The following ACOXL variants were observed in gnomAD, a reference collection of about 807,000 sequenced individuals.
ACOXL encodes acyl-CoA oxidase like.
A neutral mutation model predicts 71.9 loss-of-function variants in ACOXL; 70 were observed. The ratio of observed to expected loss-of-function variants is 0.97; its 90% CI spans 0.80 to 1.19. ACOXL has a LOEUF of 1.19. Ranked by LOEUF, ACOXL falls within the 50% of genes most tolerant of loss-of-function variation. The pLI is 0.00. For missense variants in ACOXL, 703 were observed against 736.3 expected (o/e 0.95, Z 0.52); for synonymous variants, 253 against 281.6 (o/e 0.90, Z 1.02).
chr2:111,019,761 T>C (rs2064655843), intron 14 of ACOXL, among the ~76,000 whole-genome samples: 1 of 152,262 alleles, frequency 6.6e-6, no homozygotes. Flanking sequence ...GCAGAGATCC[T>C]GGCAGGCCCC....
intron 10 of ACOXL, among the ~76,000 whole-genome samples, chr2:110,855,415 TTCTTTCTAGTGTATTAGGAA>T (rs542275040): frequency 3.2e-4 from 49 of 152,338 alleles, no homozygotes; most frequent in African/African-American, 1.2e-3. Flanking sequence ...AAAGACTGTG[TTCTTTCTAGTGTATTAGGAA>T]TCTCTGCTGA....
chr2:110,763,919 G>T (rs1316236619), intron 1 of ACOXL, among the ~76,000 whole-genome samples: 1 of 152,086 alleles, frequency 6.6e-6, no homozygotes, highest in Non-Finnish European at 1.5e-5. Flanking sequence ...AAGATATATA[G>T]CAGGCAAATG....
At chr2:110,880,279 C>A (rs7355443) in intron 10 of ACOXL, among the ~76,000 whole-genome samples, 45,286 of 151,850 alleles carry the variant, frequency 0.3, 7,147 homozygotes, top group Non-Finnish European at 0.35. Context: ...AGTCCCCATT[C>A]ACCTTCCCAG....
intron 10 of ACOXL, among the ~76,000 whole-genome samples, chr2:110,892,713 A>C (rs1574016307): frequency 6.6e-6 from 1 of 152,230 alleles, no homozygotes. Context: ...GGGATGCCTG[A>C]AAAAAGCTAT....
At chr2:110,776,727 C>T (rs1483019139) in intron 2 of ACOXL, among the ~76,000 whole-genome samples, 1 of 151,702 alleles carries the variant, frequency 6.6e-6, no homozygotes, top group East Asian at 1.9e-4. Flanking sequence ...GTATGAAGGG[C>T]CTTATGAGGC....
chr2:110,755,268 G>T (rs1014341385), intron 1 of ACOXL, among the ~76,000 whole-genome samples: 1 of 152,122 alleles, frequency 6.6e-6, no homozygotes, highest in African/African-American at 2.4e-5. Flanking sequence ...ACCCAGGGCC[G>T]CTGCCTGCAG....
intron 1 of ACOXL, among the ~76,000 whole-genome samples, chr2:110,749,038 G>A (rs189471831): frequency 4.7e-4 from 71 of 152,290 alleles, no homozygotes; most frequent in African/African-American, 1.6e-3. Flanking sequence ...TCGTGTTGAT[G>A]CTTAATTCCA....
intron 14 of ACOXL, among the ~76,000 whole-genome samples, chr2:111,029,174 G>A (rs1473937357): frequency 6.6e-6 from 1 of 152,198 alleles, no homozygotes; most frequent in Non-Finnish European, 1.5e-5. Context: ...GCATAAGACT[G>A]TATTTACACA....
chr2:110,800,774 G>T (rs1345629733), intron 7 of ACOXL, among the ~76,000 whole-genome samples: 1 of 152,158 alleles, frequency 6.6e-6, no homozygotes, highest in Non-Finnish European at 1.5e-5. Context: ...GTTTGTGAGG[G>T]TTTTAGATGT....
chr2:110,908,760 T>G lies in ACOXL; in HGVS notation c.789-29T>G, dbSNP rs746026979. 35 of 1,581,950 alleles carry G rather than the reference T, an allele frequency of 2.2e-5. No individual in the cohort carries two copies. In the South Asian group the frequency reaches 3.3e-4, roughly 15 times the overall value. ...GTTACCTCCCGCTCCTGGATTTTGG[T>G]AAAAATCGTGTCTGTTGATTCCCTC... On this transcript the variant is annotated intron_variant, in intron 10 of 17. Coordinates refer to ENST00000439055, the MANE Select transcript of ACOXL (RefSeq NM_001142807.4).
chr2:110,845,821 C>G (rs1392065169), intron 10 of ACOXL, among the ~76,000 whole-genome samples: 1 of 152,166 alleles, frequency 6.6e-6, no homozygotes, highest in African/African-American at 2.4e-5. Context: ...TTCTGTTTCT[C>G]CATTCATCCA....
At chr2:110,812,198 A>G (rs959208069) in intron 9 of ACOXL, among the ~76,000 whole-genome samples, 4 of 152,242 alleles carry the variant, frequency 2.6e-5, no homozygotes, top group African/African-American at 9.6e-5. Flanking sequence ...AAACCTCTTT[A>G]AAAACATATG....
chr2:110,964,582 C>T lies in ACOXL; in HGVS notation c.1060-22526C>T, dbSNP rs534985353. Among the ~76,000 whole-genome samples, 9 of 152,332 alleles carry T rather than the reference C, an allele frequency of 5.9e-5. No homozygotes were observed. The South Asian group carries it at 6.2e-4, about 11-fold the overall frequency. On this transcript the variant is annotated intron_variant, in intron 12 of 17. Coordinates refer to ENST00000439055, the MANE Select transcript of ACOXL (RefSeq NM_001142807.4). ...CAAACCAAGATGGCACAGCCTACTCCGCACCTAGGCTATGTGGTGGAGCCT... is the reference window on the plus strand; with the variant it reads ...CAAACCAAGATGGCACAGCCTACTCTGCACCTAGGCTATGTGGTGGAGCCT...
chr2:110,887,031 C>A, intron 10 of ACOXL: 1 of 699,548 alleles, frequency 1.4e-6, no homozygotes, highest in Non-Finnish European at 2.3e-6. Context: ...TTAGGAGATG[C>A]TGGCCTGGCG....
At chr2:111,072,896 A>G (rs1203537922) in intron 16 of ACOXL, among the ~76,000 whole-genome samples, 1 of 152,222 alleles carries the variant, frequency 6.6e-6, no homozygotes, top group Non-Finnish European at 1.5e-5. Flanking sequence ...TGAGAGATCC[A>G]GTTACTCAGC....
At chr2:110,902,501 A>T (rs1013094928) in intron 10 of ACOXL, among the ~76,000 whole-genome samples, 1 of 152,170 alleles carries the variant, frequency 6.6e-6, no homozygotes, top group East Asian at 1.9e-4. Context: ...GAAGAACAAG[A>T]AACAAAACAA....
intron 3 of ACOXL, among the ~76,000 whole-genome samples, chr2:110,792,850 G>T (rs1438814906): frequency 2.6e-5 from 4 of 152,156 alleles, no homozygotes; most frequent in African/African-American, 9.7e-5. Flanking sequence ...AAGGCTTGGT[G>T]GTTGACTCTC....
intron 9 of ACOXL, among the ~76,000 whole-genome samples, chr2:110,835,852 T>C (rs1385120999): frequency 6.6e-6 from 1 of 152,178 alleles, no homozygotes; most frequent in Non-Finnish European, 1.5e-5. Context: ...CCTGATAATT[T>C]GCATTTCTCA....
chr2:110,805,409 A>T lies in ACOXL; in HGVS notation c.753+14A>T. ...GGTGCCATGAAGGTAATTGACTCTGATTTTAACTTAATTATCTACTGTGAA... is the reference window on the plus strand; with the variant it reads ...GGTGCCATGAAGGTAATTGACTCTGTTTTTAACTTAATTATCTACTGTGAA... On this transcript the variant is annotated intron_variant, in intron 9 of 17. Transcript: ENST00000439055. The T allele has an allele frequency of 3.1e-6, 5 of 1,614,180 alleles. No individual in the cohort carries two copies. Among genetic ancestry groups the T allele is most frequent in the Non-Finnish European group, 4.2e-6 (5 of 1,180,024 alleles).
Sources: gnomAD v4.1 joint callset for allele counts (sites outside exome capture counted in the v4.1 genomes callset) on GRCh38, gnomAD v4.1.1 for gene constraint, MANE v1.5 for transcripts, NCBI Gene and HGNC (gene_info 2026-07-23, HGNC 2026-07-21) for gene names.